Variants in ADGRV1 observed in about 807,000 individuals in gnomAD.
ADGRV1 encodes G-protein coupled receptor 98.
A neutral mutation model predicts 596.2 loss-of-function variants in ADGRV1; 359 were observed. The ratio of observed to expected loss-of-function variants is 0.60; its 90% CI spans 0.55 to 0.66. ADGRV1 has a LOEUF of 0.66. Ranked by LOEUF, ADGRV1 falls within the 30% of genes least tolerant of loss-of-function variation. The probability of loss-of-function intolerance (pLI) is 0.00; values close to 1 mark genes in which losing one functional copy is unlikely to be tolerated. For synonymous variants in ADGRV1, 2,681 were observed against 2,679.2 expected (o/e 1.00, Z -0.02); for missense variants, 7,274 against 7,575.6 (o/e 0.96, Z 1.48).
chr5:90,850,414 G>A (rs1237263311), intron 79 of ADGRV1, among the ~76,000 whole-genome samples: 2 of 152,126 alleles, frequency 1.3e-5, no homozygotes, highest in Non-Finnish European at 2.9e-5. Context: ...TGAGACCAAT[G>A]ATTAACAGTT....
At chr5:91,010,731 T>G in intron 85 of ADGRV1, among the ~76,000 whole-genome samples, 1 of 152,134 alleles carries the variant, frequency 6.6e-6, no homozygotes, top group East Asian at 1.9e-4. Context: ...TAAGAATCAC[T>G]TTTCATTCAT....
rs1198791918 is a variant in ADGRV1 at position 90,855,833 on chromosome 5, A to G, written c.17687A>G (p.Tyr5896Cys). 7.4e-6 allele frequency: 12 copies of G among 1,612,982 alleles called. No homozygotes were observed. Among genetic ancestry groups the G allele is most frequent in the Admixed American group, 3.3e-5 (2 of 59,982 alleles). Residue 5896 changes from tyrosine to cysteine, a missense_variant, in exon 82 of 90, where the codon TAT (tyrosine) becomes TGT (cysteine). Tyr to Cys is a radical substitution (Grantham distance 194, BLOSUM62 -2). This residue lies in a region of ADGRV1 where 1,874 missense variants were observed against 1,970.2 expected (regional missense o/e 0.95). Coordinates refer to ENST00000405460, the MANE Select transcript of ADGRV1 (RefSeq NM_032119.4). ...ACSHMSVYAV[Y>C]ARTDNLSSYN... Reference sequence around the variant, plus strand: ...TCACACATGTCTGTGTATGCTGTCTATGCTCGGACTGACAACTTGTCTTCA... The same window carrying G: ...TCACACATGTCTGTGTATGCTGTCTGTGCTCGGACTGACAACTTGTCTTCA...
intron 1 of ADGRV1, 49 bp downstream of exon 1, chr5:90,558,966 GGA>G: frequency 6.6e-7 from 1 of 1,522,962 alleles, no homozygotes; most frequent in Non-Finnish European, 8.9e-7. Flanking sequence ...GAGCCCCAGG[GGA>G]GCGCCTCAGC....
At chr5:90,820,828 T>C (rs1029202487) in intron 75 of ADGRV1, among the ~76,000 whole-genome samples, 22 of 152,074 alleles carry the variant, frequency 1.4e-4, no homozygotes, top group African/African-American at 5.3e-4. Flanking sequence ...ACCCGACCTT[T>C]CTCTCTGGCT....
intron 31 of ADGRV1, among the ~76,000 whole-genome samples, chr5:90,692,278 A>G (rs1746576026): frequency 6.6e-6 from 1 of 152,162 alleles, no homozygotes; most frequent in African/African-American, 2.4e-5. Flanking sequence ...TAAAAAAGTT[A>G]TAGGACGTAA....
intron 85 of ADGRV1, among the ~76,000 whole-genome samples, chr5:91,032,580 A>G (rs527871041): frequency 7.4e-4 from 113 of 151,910 alleles, no homozygotes; most frequent in African/African-American, 2.5e-3. Context: ...TCTGCTAATT[A>G]TAATTATATA....
intron 83 of ADGRV1, among the ~76,000 whole-genome samples, chr5:90,909,121 G>A (rs1158381552): frequency 6.6e-6 from 1 of 152,168 alleles, no homozygotes; most frequent in Non-Finnish European, 1.5e-5. Flanking sequence ...TTGTTGCTCA[G>A]GGTCACATTA....
At chr5:91,055,423 T>C (rs1193987095) in intron 85 of ADGRV1, among the ~76,000 whole-genome samples, 2 of 152,220 alleles carry the variant, frequency 1.3e-5, no homozygotes, top group Admixed American at 6.5e-5. Flanking sequence ...TGTCCTTTAC[T>C]GACTCCTTAT....
intron 5 of ADGRV1, among the ~76,000 whole-genome samples, chr5:90,624,664 G>A (rs1273377232): frequency 1.3e-5 from 2 of 152,036 alleles, no homozygotes; most frequent in Non-Finnish European, 2.9e-5. Flanking sequence ...CTATATGGAG[G>A]GGAATTTGCT....
chr5:90,664,215 T>C (rs1184578616), intron 21 of ADGRV1, among the ~76,000 whole-genome samples: 1 of 145,848 alleles, frequency 6.9e-6, no homozygotes, highest in Non-Finnish European at 1.5e-5. Context: ...GTATGGCCAT[T>C]TTCACGATAT....
At chr5:91,069,896 G>A (rs1788219552) in intron 85 of ADGRV1, among the ~76,000 whole-genome samples, 1 of 141,794 alleles carries the variant, frequency 7.1e-6, no homozygotes, top group Non-Finnish European at 1.5e-5. Context: ...AGAAAATGTG[G>A]TACATATAAA....
Position 90,777,946 on chromosome 5 carries a change from T to C in ADGRV1, c.12569T>C (p.Phe4190Ser). Residue 4190 changes from phenylalanine to serine, a missense_variant, in exon 62 of 90, where the codon TTC becomes TCC. By Grantham distance (155) the Phe-to-Ser change is radical. Transcript: ENST00000405460. ...GGGATTTTGGGGGAGGTCACAGTGT[T>C]CTGGAGGATATTCCCTCCTTCCGTG... is the stretch of plus-strand genomic sequence containing the variant. ...GPGILGEVTV[F>S]WRIFPPSVGE... 6.2e-7 allele frequency: 1 copy of C among 1,612,908 alleles called. No individual in the cohort carries two copies. Among genetic ancestry groups the C allele is most frequent in the Non-Finnish European group, 8.5e-7 (1 of 1,179,370 alleles).
chr5:91,015,695 A>G (rs1439795098), intron 85 of ADGRV1, among the ~76,000 whole-genome samples: 1 of 152,180 alleles, frequency 6.6e-6, no homozygotes, highest in East Asian at 1.9e-4. Flanking sequence ...TGAAATTAGA[A>G]TCGCAACTTC....
chr5:90,647,802 A>C (rs757058130), intron 17 of ADGRV1, 38 bp downstream of exon 17: 5 of 1,573,994 alleles, frequency 3.2e-6, no homozygotes, highest in Non-Finnish European at 4.3e-6. Flanking sequence ...GATCTGCCTC[A>C]GTGCTTTAAT....
chr5:90,792,316 A>G (rs930369849), intron 70 of ADGRV1: 4 of 152,226 alleles, frequency 2.6e-5, no homozygotes, highest in African/African-American at 9.6e-5. Context: ...GCTTAGTTTC[A>G]TATAAACTTG....
chr5:90,930,148 A>T (rs1775090941), intron 83 of ADGRV1, among the ~76,000 whole-genome samples: 1 of 152,194 alleles, frequency 6.6e-6, no homozygotes, highest in South Asian at 2.1e-4. Flanking sequence ...TACATTTCTT[A>T]ACAGTACTAT....
At chr5:91,118,480 C>CGGCT (rs1793039351) in intron 87 of ADGRV1, among the ~76,000 whole-genome samples, 1 of 152,172 alleles carries the variant, frequency 6.6e-6, no homozygotes. Context: ...CAAAGACAGC[C>CGGCT]ACCAGGGAGT....
In ADGRV1 at chr5:90,689,852, T is replaced by G. The variant is rs746303749; in HGVS notation, c.6491-9T>G. The G allele has an allele frequency of 3.8e-6, 6 of 1,599,048 alleles. No homozygotes were observed. In the Admixed American group the frequency reaches 8.4e-5, roughly 22 times the overall value. On this transcript the variant is annotated splice_polypyrimidine_tract_variant and intron_variant, in intron 29 of 89. Transcript: ENST00000405460. ...AGAAGTCTTAACATTTTACTTTTGG[T>G]CTTTTCAGGTGAAGATTATAGTATA...
At position 90,692,669 on chromosome 5, in the gene ADGRV1, ATAT is replaced by A; in HGVS notation, c.7024_7026del (p.Ile2342del). 6.2e-7 allele frequency: 1 copy of A among 1,611,500 alleles called. No homozygotes were observed. The highest frequency in any genetic ancestry group is 8.5e-7 in the Non-Finnish European group (1 of 1,178,798). On this transcript the variant is annotated inframe_deletion, in exon 32 of 90. Transcript: ENST00000405460. ...ACTATTGGGTTAGATCGAATTGCAA[ATAT>A]TATTATTCCTGCCAATGATGATCCT...
Sources: allele counts gnomAD v4.1 joint callset (sites outside exome capture counted in the v4.1 genomes callset), GRCh38; gene constraint gnomAD v4.1.1; regional missense constraint gnomAD v4.1.1; transcripts MANE v1.5; gene names NCBI Gene and HGNC (gene_info 2026-07-23, HGNC 2026-07-21).